RCBTB1: variants seen among roughly 807,000 people sequenced by gnomAD.
RCBTB1 encodes the protein RCC1 and BTB domain containing protein 1.
A neutral mutation model predicts 62.4 loss-of-function variants in RCBTB1; 46 were observed. The ratio of observed to expected loss-of-function variants is 0.74; its 90% confidence interval spans 0.58 to 0.94. The LOEUF is 0.94. Ranked by LOEUF, RCBTB1 falls within the 40% of genes least tolerant of loss-of-function variation. The pLI is 0.00. For missense variants in RCBTB1, 565 were observed against 654.9 expected, an observed-to-expected ratio of 0.86 and a Z score of 1.50; for synonymous variants, 222 against 245.8, an observed-to-expected ratio of 0.90 and a Z score of 0.91.
chr13:49,539,082 C>A (rs113806809), intron 12 of RCBTB1, among the ~76,000 whole-genome samples: 5,134 of 152,016 alleles, frequency 0.034, 146 homozygotes, highest in African/African-American at 0.073. Flanking sequence ...GTTGGCCAGG[C>A]TGGTCTCAAA....
At chr13:49,566,581 C>T in intron 4 of RCBTB1, 37 bp downstream of exon 4, 1 of 1,597,788 alleles carries the variant, frequency 6.3e-7, no homozygotes, top group Non-Finnish European at 8.5e-7. Flanking sequence ...CGGTCAATTT[C>T]TTACAAACTG....
At chr13:49,562,867 G>A (rs1336868510) in intron 4 of RCBTB1, among the ~76,000 whole-genome samples, 2 of 139,266 alleles carry the variant, frequency 1.4e-5, no homozygotes, top group African/African-American at 5.4e-5. Flanking sequence ...TGGAGCAAAC[G>A]TCCTGCCTTG....
chr13:49,541,633 T>C (rs757421190), intron 11 of RCBTB1, 43 bp downstream of exon 11: 8 of 1,559,420 alleles, frequency 5.1e-6, no homozygotes, highest in Admixed American at 2.0e-5. Context: ...AGGGGATATA[T>C]TCTCCACCAT....
chr13:49,559,103 T>G (rs995114044), intron 5 of RCBTB1, among the ~76,000 whole-genome samples: 6 of 152,270 alleles, frequency 3.9e-5, no homozygotes, highest in Non-Finnish European at 5.9e-5. Flanking sequence ...ATGGTAAAAC[T>G]GGTTTCATTA....
At chr13:49,572,774 G>A (rs530567477) in intron 2 of RCBTB1, among the ~76,000 whole-genome samples, 1 of 152,132 alleles carries the variant, frequency 6.6e-6, no homozygotes, top group African/African-American at 2.4e-5. Flanking sequence ...ACTGTCCTGA[G>A]TGATAAGAGT....
At chr13:49,539,209 T>C (rs888325698) in intron 12 of RCBTB1, among the ~76,000 whole-genome samples, 6 of 151,994 alleles carry the variant, frequency 3.9e-5, no homozygotes, top group Non-Finnish European at 8.8e-5. Context: ...GTATTTCAAA[T>C]GTTTTCACTC....
At chr13:49,546,647 C>A (rs1359595026) in intron 9 of RCBTB1, among the ~76,000 whole-genome samples, 1 of 152,208 alleles carries the variant, frequency 6.6e-6, no homozygotes, top group African/African-American at 2.4e-5. Context: ...AGTGACAGAT[C>A]ATCTAGGCAT....
intron 4 of RCBTB1, among the ~76,000 whole-genome samples, chr13:49,562,079 G>A (rs1170881586): frequency 1.3e-5 from 2 of 150,562 alleles, no homozygotes; most frequent in Admixed American, 1.3e-4. Context: ...TCCAGCCTGG[G>A]CAAAAAGGAC....
chr13:49,567,502 C>T (rs1056491844), intron 2 of RCBTB1, among the ~76,000 whole-genome samples, 182 bp from the exon 3 acceptor site: 1 of 152,194 alleles, frequency 6.6e-6, no homozygotes, highest in Admixed American at 6.5e-5. Context: ...CTTCAAACCC[C>T]GGACTTTCCT....
At chr13:49,536,020 T>C (rs965622863) in intron 12 of RCBTB1, among the ~76,000 whole-genome samples, 2 of 144,734 alleles carry the variant, frequency 1.4e-5, no homozygotes, top group Admixed American at 1.4e-4. Flanking sequence ...TGAAACTCCA[T>C]CTCAAAAAAA....
At chr13:49,551,166 A>C (rs1354096101) in intron 8 of RCBTB1, 160 bp downstream of exon 8, 1 of 630,492 alleles carries the variant, frequency 1.6e-6, no homozygotes, top group Non-Finnish European at 2.5e-6. Flanking sequence ...GGGAGGGAGA[A>C]GGAGGAAGGG....
Position 49,541,019 on chromosome 13 carries a change from T to C in RCBTB1, c.1325-13A>G, listed in dbSNP as rs908810563. 1 of 1,607,500 alleles carries C rather than the reference T, an allele frequency of 6.2e-7. No homozygotes were observed. The highest frequency in any genetic ancestry group is 8.5e-7 in the Non-Finnish European group (1 of 1,178,664). On this transcript the variant is annotated splice_polypyrimidine_tract_variant and intron_variant, in intron 11 of 12. Coordinates refer to ENST00000378302, the MANE Select transcript of RCBTB1 (RefSeq NM_018191.4). ...AAATCCAGAAGACCTAAAAGTAAAA[T>C]ATGTGAAAGGTTTAATCAAATGTAT...
intron 5 of RCBTB1, among the ~76,000 whole-genome samples, chr13:49,556,888 G>T (rs879553800): frequency 6.6e-6 from 1 of 152,190 alleles, no homozygotes; most frequent in Admixed American, 6.5e-5. Flanking sequence ...GCATAAATTA[G>T]CAAGTTTGAG....
At position 49,549,561 on chromosome 13, in the gene RCBTB1, C is replaced by T. The variant is rs1454398459; in HGVS notation, c.942G>A (p.Arg314=). The stretch of plus-strand genomic sequence containing the variant: ...GGTGCGGGAGGATCACGGACTGACC[C>T]CGGCACTGGCCCCACATGTACACGT... ...GGHVYMWGQC[R]GQSVILPHLT... is the part of the protein sequence containing the mutation. The change falls in exon 9 of 13, where the codon CGG becomes CGA. Residue 314 remains arginine (R), a synonymous_variant. Coordinates refer to ENST00000378302, the MANE Select transcript of RCBTB1 (RefSeq NM_018191.4). The T allele has an allele frequency of 1.2e-6, 2 of 1,614,148 alleles. No individual in the cohort carries two copies. The highest frequency in any genetic ancestry group is 1.1e-5 in the South Asian group (1 of 91,076).
rs537247683 is a variant in RCBTB1, at chr13:49,548,656, G to A, written c.1045+802C>T. ...GGAATGAAATACAGAGACATATTAC[G>A]TCAATGGGCCTCAAAAACATTAAGT... On this transcript the variant is annotated intron_variant, in intron 9 of 12. Transcript: ENST00000378302. 4.0e-5 allele frequency among the ~76,000 whole-genome samples: 6 copies of A among 151,876 alleles called. No homozygotes were observed. In the East Asian group the frequency reaches 9.7e-4, roughly 25 times the overall value.
chr13:49,573,585 A>G (rs1379934671), intron 2 of RCBTB1, among the ~76,000 whole-genome samples: 1 of 151,220 alleles, frequency 6.6e-6, no homozygotes, highest in Non-Finnish European at 1.5e-5. Context: ...AGTAGCTGGG[A>G]TTACAGGCGC....
chr13:49,549,957 G>A (rs1162361278), intron 8 of RCBTB1: 1 of 954,224 alleles, frequency 1.0e-6, no homozygotes. Context: ...CTGAGAAAAT[G>A]CCCTAACAAA....
At chr13:49,570,370 T>C (rs1213112589) in intron 2 of RCBTB1, among the ~76,000 whole-genome samples, 1 of 152,232 alleles carries the variant, frequency 6.6e-6, no homozygotes, top group Non-Finnish European at 1.5e-5. Context: ...TTACAAGGTA[T>C]TTCTCCAAAG....
intron 2 of RCBTB1, among the ~76,000 whole-genome samples, chr13:49,572,589 G>A (rs540963030): frequency 6.6e-6 from 1 of 152,278 alleles, no homozygotes; most frequent in African/African-American, 2.4e-5. Context: ...GATCAGTTGA[G>A]GTCAGGAGTT....
Sources: allele counts gnomAD v4.1 joint callset (sites outside exome capture counted in the v4.1 genomes callset), GRCh38; gene constraint gnomAD v4.1.1; transcripts MANE v1.5; gene names NCBI Gene and HGNC (gene_info 2026-07-23, HGNC 2026-07-21).